Variants in AFTPH observed in about 807,000 individuals in gnomAD.
AFTPH encodes aftiphilin, also known as aftiphilin protein.
In AFTPH, 7 loss-of-function variants were observed where a neutral mutation model predicts 72.5. The ratio of observed to expected loss-of-function variants is 0.10; its 90% CI spans 0.05 to 0.18. AFTPH has a LOEUF of 0.18. Among genes scored for constraint, AFTPH ranks in the 10% least tolerant of loss-of-function variants. AFTPH has a pLI of 1.00. For synonymous variants in AFTPH, 337 were observed against 370.1 expected, an observed-to-expected ratio of 0.91 and a Z score of 1.03; for missense variants, 979 against 1,060.5, an observed-to-expected ratio of 0.92 and a Z score of 1.07.
At chr2:64,569,023 T>A (rs1318965845) in intron 3 of AFTPH, 69 bp from the exon 4 acceptor site, 9 of 1,562,824 alleles carry the variant, frequency 5.8e-6, no homozygotes, top group Non-Finnish European at 7.9e-6. Context: ...ACAGCCATAT[T>A]ATAAGTAGAA....
exon 9 of AFTPH, chr2:64,592,208 T>C (rs1673871421): frequency 3.9e-6 from 2 of 511,220 alleles, no homozygotes; most frequent in Non-Finnish European, 6.5e-6. Context: ...ATTTACATAC[T>C]GAAGTCCTAA....
chr2:64,574,454 T>C (rs1672647878), intron 6 of AFTPH, among the ~76,000 whole-genome samples: 3 of 152,226 alleles, frequency 2.0e-5, no homozygotes, highest in Non-Finnish European at 4.4e-5. Context: ...AATTCATTTC[T>C]CAAATTTACT....
At chr2:64,563,127 T>A (rs989053560) in intron 2 of AFTPH, among the ~76,000 whole-genome samples, 5 of 152,108 alleles carry the variant, frequency 3.3e-5, no homozygotes, top group Non-Finnish European at 7.3e-5. Context: ...GAAATAGGAG[T>A]TCACATAAGC....
At chr2:64,592,522 C>T (rs1452588362) in exon 9 of AFTPH, 1 of 152,598 alleles carries the variant, frequency 6.6e-6, no homozygotes, top group Non-Finnish European at 1.5e-5. Context: ...TGATGGGTTT[C>T]AGATCTGGCT....
rs565818967 is a variant in AFTPH, at chr2:64,582,688, A to G, written c.2456-2734A>G. On this transcript the variant is annotated intron_variant, in intron 7 of 8. Coordinates refer to ENST00000238856, the Ensembl canonical transcript of AFTPH. ...GTTACTGTATTCCCAAGAATTATTA[A>G]GCTCCCATTTTAAATTTGCTCTCAG... 2.6e-5 allele frequency among the ~76,000 whole-genome samples: 4 copies of G among 152,300 alleles called. No individual in the cohort carries two copies. The East Asian group carries it at 7.7e-4, about 29-fold the overall frequency.
intron 6 of AFTPH, among the ~76,000 whole-genome samples, chr2:64,576,551 T>C (rs72890728): frequency 0.024 from 3,694 of 152,272 alleles, 145 homozygotes; most frequent in East Asian, 0.14. Context: ...AATTTCAAGG[T>C]CACACCATTG....
chr2:64,585,351 C>G, intron 7 of AFTPH, 71 bp from the exon 9 acceptor site: 1 of 1,571,460 alleles, frequency 6.4e-7, no homozygotes, highest in Non-Finnish European at 8.7e-7. Flanking sequence ...TTGCCTTTTG[C>G]ATCTTGGATT....
chr2:64,590,352 A>G (rs891956298), intron 8 of AFTPH, among the ~76,000 whole-genome samples: 5 of 152,168 alleles, frequency 3.3e-5, no homozygotes, highest in Non-Finnish European at 7.4e-5. Flanking sequence ...AATTATATCT[A>G]AAGGCTTGCT....
rs577483664 is a variant in AFTPH at position 64,524,485 on chromosome 2, C to G, written c.-160C>G. On this transcript the variant is annotated 5_prime_UTR_variant, in exon 1 of 9. Transcript: ENST00000238856. The stretch of plus-strand genomic sequence containing the variant: ...GGCGTCCATGGTGCTGCTGCGCTGA[C>G]AGGGCTGTGAGCAGCCGGCCTTCCG... 210 of 400,738 alleles carry G rather than the reference C, an allele frequency of 5.2e-4. 2 individuals are homozygous for G. The East Asian group carries it at 7.4e-3, about 14-fold the overall frequency. The allele number at this position is 400,738 out of a possible 1,614,324, so 24.8% of individuals were successfully genotyped here. A position where few individuals can be genotyped will look rare whatever the true frequency, so the allele number is the denominator to read the frequency against.
At chr2:64,548,602 A>T (rs1020364830) in intron 1 of AFTPH, among the ~76,000 whole-genome samples, 2 of 152,038 alleles carry the variant, frequency 1.3e-5, no homozygotes, top group Admixed American at 1.3e-4. Context: ...AACAATTTAC[A>T]CTCACAAGCA....
intron 1 of AFTPH, among the ~76,000 whole-genome samples, chr2:64,549,527 G>A (rs983557714): frequency 1.3e-5 from 2 of 151,202 alleles, no homozygotes; most frequent in East Asian, 3.9e-4. Flanking sequence ...CACCGTGTTG[G>A]CCAGGCTGGT....
At chr2:64,555,764 T>A (rs1376882190) in intron 2 of AFTPH, among the ~76,000 whole-genome samples, 2 of 152,102 alleles carry the variant, frequency 1.3e-5, no homozygotes, top group Non-Finnish European at 2.9e-5. Context: ...CCCTGCTGAG[T>A]AAGTGACTGA....
chr2:64,537,905 T>C (rs1669979645), intron 1 of AFTPH, among the ~76,000 whole-genome samples: 1 of 152,206 alleles, frequency 6.6e-6, no homozygotes, highest in Non-Finnish European at 1.5e-5. Flanking sequence ...AGAAGCCCTG[T>C]TCCCTCCTCT....
chr2:64,529,530 A>G (rs1669476383), intron 1 of AFTPH, among the ~76,000 whole-genome samples: 1 of 152,150 alleles, frequency 6.6e-6, no homozygotes, highest in Non-Finnish European at 1.5e-5. Flanking sequence ...ATAGATGCTC[A>G]GTAAATAGTG....
chr2:64,574,845 C>T (rs1008008230), intron 6 of AFTPH, among the ~76,000 whole-genome samples: 1 of 152,238 alleles, frequency 6.6e-6, no homozygotes, highest in Non-Finnish European at 1.5e-5. Flanking sequence ...ACTGCTATCC[C>T]AGGTCTGCCC....
At chr2:64,547,526 T>C (rs941806500) in intron 1 of AFTPH, among the ~76,000 whole-genome samples, 1 of 152,246 alleles carries the variant, frequency 6.6e-6, no homozygotes, top group Admixed American at 6.5e-5. Context: ...ACTTTTTCCC[T>C]TTGTAATTAA....
At position 64,524,358 on chromosome 2, in the gene AFTPH, CG is replaced by C. The variant is rs1213717887; in HGVS notation, c.-281del. The C allele has an allele frequency of 3.0e-5, 12 of 401,642 alleles. No homozygotes were observed. Among genetic ancestry groups the C allele is most frequent in the East Asian group, 7.1e-5 (2 of 28,152 alleles). 24.9% of individuals were successfully genotyped at this position (401,642 alleles called of 1,614,324 possible). A position where few individuals can be genotyped will look rare whatever the true frequency, so the allele number is the denominator to read the frequency against. The stretch of plus-strand genomic sequence containing the variant: ...ATGATGGGAGAGTGTGTGGAGTGGG[CG>C]GGGGGTCTCCGCGGAGGAGGTGGAG... On this transcript the variant is annotated 5_prime_UTR_variant, in exon 1 of 9. The change creates a premature stop within an existing upstream ORF in the 5' untranslated region. Coordinates refer to ENST00000238856, the Ensembl canonical transcript of AFTPH.
exon 1 of AFTPH, chr2:64,524,610 C>T (rs902862298): frequency 2.5e-6 from 1 of 398,322 alleles, no homozygotes; most frequent in Non-Finnish European, 4.4e-6. Context: ...CCGAAGGAGC[C>T]AGGTAAGCGC....
intron 6 of AFTPH, chr2:64,579,128 CTTGTTTTATACCATGTTTTAATTTTTA>C (rs1439284306): frequency 5.8e-6 from 1 of 171,158 alleles, no homozygotes; most frequent in Non-Finnish European, 1.2e-5. Flanking sequence ...TTTGAATCTT[CTTGTTTTATACCATGTTTTAATTTTTA>C]TTGTAATCAC....
Sources: gnomAD v4.1 joint callset for allele counts (sites outside exome capture counted in the v4.1 genomes callset) on GRCh38, gnomAD v4.1.1 for gene constraint, MANE v1.5 for transcripts, NCBI Gene and HGNC (gene_info 2026-07-23, HGNC 2026-07-21) for gene names.